KAZN: variants seen among roughly 807,000 people sequenced by gnomAD.
The protein encoded by KAZN is kazrin, periplakin interacting protein.
A neutral mutation model predicts 87.4 loss-of-function variants in KAZN; 40 were observed. The ratio of observed to expected loss-of-function variants is 0.46; its 90% CI spans 0.36 to 0.60. The LOEUF (loss-of-function observed/expected upper bound fraction) is 0.60. Ranked by LOEUF, KAZN falls within the 20% of genes least tolerant of loss-of-function variation. The pLI, the probability that KAZN is intolerant of heterozygous loss-of-function variation, is 0.00. For synonymous variants in KAZN, 466 were observed against 458.3 expected (o/e 1.02, Z -0.22); for missense variants, 898 against 1,073.9 (o/e 0.84, Z 2.29).
chr1:14,793,088 G>A (rs1016427042), intron 1 of KAZN, among the ~76,000 whole-genome samples: 3 of 152,152 alleles, frequency 2.0e-5, no homozygotes, highest in African/African-American at 4.8e-5. Context: ...TTAAGGCGGT[G>A]GAGGCCACTG....
In KAZN at chr1:14,341,254, C is replaced by T. The variant is rs77266304; in HGVS notation, c.249+160662C>T. ...CCTTTTATTTTTTAAAAAGATTAGGCACTCATCTGTAAAATGGGGAAATGA... is the reference window on the plus strand; with the variant it reads ...CCTTTTATTTTTTAAAAAGATTAGGTACTCATCTGTAAAATGGGGAAATGA... On this transcript the variant is annotated intron_variant, in intron 2 of 16. Transcript: ENST00000636203. 6.6e-3 allele frequency among the ~76,000 whole-genome samples: 1,007 copies of T among 152,258 alleles called. 13 individuals carry two copies. Among genetic ancestry groups the T allele is most frequent in the African/African-American group, 0.023 (954 of 41,528 alleles).
intron 2 of KAZN, among the ~76,000 whole-genome samples, chr1:14,240,331 G>T (rs1648827613): frequency 6.6e-6 from 1 of 152,224 alleles, no homozygotes; most frequent in Admixed American, 6.5e-5. Flanking sequence ...ACACCTCTGT[G>T]TGCCTAGACA....
chr1:14,013,015 G>A (rs868276953), intron 1 of KAZN, among the ~76,000 whole-genome samples: 16 of 152,152 alleles, frequency 1.1e-4, no homozygotes, highest in African/African-American at 3.4e-4. Context: ...ACCTCTTAGC[G>A]GGTCCTAGAC....
At chr1:14,188,008 C>G (rs930682454) in intron 2 of KAZN, among the ~76,000 whole-genome samples, 4 of 152,098 alleles carry the variant, frequency 2.6e-5, no homozygotes, top group Admixed American at 1.3e-4. Context: ...TCCTTGCCCT[C>G]AAGGATCTGG....
intron 2 of KAZN, among the ~76,000 whole-genome samples, chr1:14,338,508 G>A (rs937810813): frequency 8.1e-6 from 1 of 123,636 alleles, no homozygotes; most frequent in African/African-American, 2.7e-5. Flanking sequence ...AAAAAAAAGA[G>A]AGAGAGAGAG....
intron 3 of KAZN, among the ~76,000 whole-genome samples, chr1:15,038,359 T>C (rs10927642): frequency 6.6e-6 from 1 of 152,006 alleles, no homozygotes; most frequent in African/African-American, 2.4e-5. Flanking sequence ...CAGGGACTGA[T>C]GTGATGGCTG....
chr1:15,116,680 G>A lies in KAZN; in HGVS notation c.*2045G>A, dbSNP rs558282132. On this transcript the variant is annotated 3_prime_UTR_variant, in exon 15 of 15. Coordinates refer to ENST00000376030, the MANE Select transcript of KAZN (RefSeq NM_201628.3). ...ATGACCTGGGACCCCAGAAACTGCC[G>A]TTTGGGAGGCAGCAACAGCAACGTG... 7.2e-5 allele frequency: 11 copies of A among 152,370 alleles called. No homozygotes were observed. The highest frequency in any genetic ancestry group is 2.1e-4 in the South Asian group (1 of 4,830). The allele number at this position is 152,370 out of a possible 1,614,324, so 9.4% of individuals were successfully genotyped here. A position where few individuals can be genotyped will look rare whatever the true frequency, so the allele number is the denominator to read the frequency against.
intron 1 of KAZN, among the ~76,000 whole-genome samples, chr1:14,855,814 C>A (rs942417425): frequency 6.6e-6 from 1 of 152,190 alleles, no homozygotes; most frequent in Non-Finnish European, 1.5e-5. Context: ...GAAACCACCT[C>A]TAAAGTCTTG....
chr1:13,996,964 T>C (rs1459976731), intron 1 of KAZN, among the ~76,000 whole-genome samples: 1 of 152,174 alleles, frequency 6.6e-6, no homozygotes, highest in Non-Finnish European at 1.5e-5. Flanking sequence ...TGGCATCAGG[T>C]TGGTGCCCCT....
At chr1:14,833,704 G>C (rs184396100) in intron 1 of KAZN, among the ~76,000 whole-genome samples, 2 of 152,260 alleles carry the variant, frequency 1.3e-5, no homozygotes, top group East Asian at 3.9e-4. Context: ...CCGGGGGAAA[G>C]CATGAGTGGT....
chr1:14,080,400 T>C (rs1643629175), intron 1 of KAZN, among the ~76,000 whole-genome samples: 1 of 152,226 alleles, frequency 6.6e-6, no homozygotes, highest in South Asian at 2.1e-4. Context: ...AAGGTTTGTT[T>C]GTGGATTCCT....
intron 1 of KAZN, among the ~76,000 whole-genome samples, chr1:13,994,385 A>C (rs1325126638): frequency 6.6e-6 from 1 of 152,248 alleles, no homozygotes; most frequent in Non-Finnish European, 1.5e-5. Context: ...CTTTTGCACC[A>C]ATTCTGTTCT....
chr1:14,910,765 G>A (rs977310613), intron 1 of KAZN, among the ~76,000 whole-genome samples: 3 of 152,166 alleles, frequency 2.0e-5, no homozygotes, highest in Admixed American at 6.5e-5. Context: ...CCTGCCAGTC[G>A]TGGCCAGGCA....
chr1:14,873,697 T>C (rs888190771), intron 1 of KAZN, among the ~76,000 whole-genome samples: 4 of 152,310 alleles, frequency 2.6e-5, no homozygotes, highest in East Asian at 1.9e-4. Flanking sequence ...CATATATTTA[T>C]GTTGTGTTGA....
chr1:14,740,932 G>A (rs1022208071), intron 1 of KAZN, among the ~76,000 whole-genome samples: 1 of 152,216 alleles, frequency 6.6e-6, no homozygotes, highest in Admixed American at 6.5e-5. Context: ...CCTCCATGGT[G>A]CCTGTGGGGG....
chr1:14,249,684 C>G (rs560428073), intron 2 of KAZN, among the ~76,000 whole-genome samples: 1 of 152,284 alleles, frequency 6.6e-6, no homozygotes, highest in South Asian at 2.1e-4. Flanking sequence ...GTCTGCTGTT[C>G]CCTCACTTCC....
Position 14,883,318 on chromosome 1 carries a change from A to AAGAAAGAGAGAGAG in KAZN, c.227-77363_227-77362insAAGAGAGAGAGAGA, listed in dbSNP as rs1266778797. Among the ~76,000 whole-genome samples, 5 of 38,592 alleles carry AAGAAAGAGAGAGAG rather than the reference A, an allele frequency of 1.3e-4. 2 individuals are homozygous for AAGAAAGAGAGAGAG. Among genetic ancestry groups the AAGAAAGAGAGAGAG allele is most frequent in the African/African-American group, 3.8e-4 (5 of 13,050 alleles). 25.3% of individuals were successfully genotyped at this position (38,592 alleles called of 152,430 possible). A position where few individuals can be genotyped will look rare whatever the true frequency, so the allele number is the denominator to read the frequency against. On this transcript the variant is annotated intron_variant, in intron 1 of 14. Coordinates refer to ENST00000376030, the MANE Select transcript of KAZN (RefSeq NM_201628.3). The stretch of plus-strand genomic sequence containing the variant: ...CTCAAAAGAAAGAAAGAAAGAAAGA[A>AAGAAAGAGAGAGAG]AGAGAGAGAGAGAGAGAGAGAGAGA...
chr1:14,631,785 C>T (rs112409835), intron 1 of KAZN, among the ~76,000 whole-genome samples: 2,524 of 152,302 alleles, frequency 0.017, 44 homozygotes, highest in Non-Finnish European at 0.024. Flanking sequence ...CTCGTGTTGG[C>T]GAGGAAGCTC....
intron 2 of KAZN, among the ~76,000 whole-genome samples, chr1:14,339,876 C>G (rs187058027): frequency 6.6e-4 from 100 of 152,214 alleles, no homozygotes; most frequent in Middle Eastern, 3.4e-3. Flanking sequence ...ACAGCCTTTC[C>G]CCCTTCCCAT....
Sources: gnomAD v4.1 joint callset for allele counts (sites outside exome capture counted in the v4.1 genomes callset) on GRCh38, gnomAD v4.1.1 for gene constraint, MANE v1.5 for transcripts, NCBI Gene and HGNC (gene_info 2026-07-23, HGNC 2026-07-21) for gene names.